The following SNAPC1 variants were observed in gnomAD, a reference collection of about 807,000 sequenced individuals.
SNAPC1 encodes snRNA-activating protein complex subunit 1.
SNAPC1 carries 42 observed loss-of-function variants against 50.1 expected under a neutral mutation model. That is an observed-to-expected ratio of 0.84 (90% confidence interval 0.65 to 1.08). The LOEUF (loss-of-function observed/expected upper bound fraction) is 1.08, where lower values mean the gene tolerates loss of function less well. Ranked by LOEUF, SNAPC1 falls within the 50% of genes least tolerant of loss-of-function variation. The pLI, the probability that SNAPC1 is intolerant of heterozygous loss-of-function variation, is 0.00. For missense variants in SNAPC1, 477 were observed against 427.3 expected (o/e 1.12, Z -1.02); for synonymous variants, 164 against 144.2 (o/e 1.14, Z -0.98).
intron 5 of SNAPC1, among the ~76,000 whole-genome samples, chr14:61,777,840 A>G (rs2045046049): frequency 6.6e-6 from 1 of 152,168 alleles, no homozygotes; most frequent in Non-Finnish European, 1.5e-5. Context: ...TCTTACTACC[A>G]CATAAAGACT....
chr14:61,762,450 C>CTTCGGAGGCGTGCGGGA lies in SNAPC1; in HGVS notation c.-6_-5insAGGCGTGCGGGATTCGG. The CTTCGGAGGCGTGCGGGA allele has an allele frequency of 6.2e-7, 1 of 1,611,800 alleles. No homozygotes were observed. The highest frequency in any genetic ancestry group is 8.5e-7 in the Non-Finnish European group (1 of 1,179,774). ...CGTGCGGGCTTCGGAGGCGTGCGGG[C>CTTCGGAGGCGTGCGGGA]TTCGGGTGCCATGGGGACTCCTCCC... On this transcript the variant is annotated 5_prime_UTR_variant, in exon 1 of 10. Coordinates refer to ENST00000216294, the MANE Select transcript of SNAPC1 (RefSeq NM_003082.4).
rs1313933589 is a variant in SNAPC1, at chr14:61,766,972, A to G, written c.225A>G (p.Arg75=). ...TACCTCCATACACCTTCCAGATCAG[A>G]GTTGGTGCTTTGTATCTGCTATATG... ...YFLPPYTFQI[R]VGALYLLYGL... The change falls in exon 2 of 10, where the codon AGA becomes AGG. Residue 75 remains arginine, a synonymous_variant. Transcript: ENST00000216294. 4 of 1,611,142 alleles carry G rather than the reference A, an allele frequency of 2.5e-6. No homozygotes were observed. Among genetic ancestry groups the G allele is most frequent in the Non-Finnish European group, 3.4e-6 (4 of 1,177,444 alleles).
At position 61,762,505 on chromosome 14, in the gene SNAPC1, C is replaced by G. The variant is rs1313591237; in HGVS notation, c.45C>G (p.Leu15=). The part of the protein sequence containing the change: ...PGLQTDCEAL[L]SRFQETDSVR... ...TGCAGACCGACTGCGAGGCGCTGCT[C>G]AGCCGCTTCCAGGAGACGGACAGTG... is the stretch of plus-strand genomic sequence containing the variant. Residue 15 remains leucine (L), a synonymous_variant, in exon 1 of 10, where the codon CTC becomes CTG. Transcript: ENST00000216294. The G allele has an allele frequency of 6.7e-7, 1 of 1,483,992 alleles. No homozygotes were observed. The highest frequency in any genetic ancestry group is 8.9e-7 in the Non-Finnish European group (1 of 1,118,028). The allele number at this position is 1,483,992 out of a possible 1,614,324, so 91.9% of individuals were successfully genotyped here. A position where few individuals can be genotyped will look rare whatever the true frequency, so the allele number is the denominator to read the frequency against.
chr14:61,780,226 C>T (rs137981695), intron 7 of SNAPC1, among the ~76,000 whole-genome samples: 10 of 152,282 alleles, frequency 6.6e-5, no homozygotes, highest in South Asian at 2.1e-4. Context: ...GAATCAGCCA[C>T]GAGGCTCACC....
chr14:61,769,393 G>GTTT (rs766718835), intron 4 of SNAPC1, among the ~76,000 whole-genome samples: 13,304 of 116,114 alleles, frequency 0.11, 1,070 homozygotes, highest in South Asian at 0.22. Context: ...ATTTCCTGAG[G>GTTT]TTTTTTTTTT....
At position 61,783,421 on chromosome 14, in the gene SNAPC1, C is replaced by T. The variant is rs192595953; in HGVS notation, c.976+1024C>T. On this transcript the variant is annotated intron_variant, in intron 8 of 9. Transcript: ENST00000216294. ...ATAATGCATTCTATAAACCATGTTT[C>T]TTTTTAGCTGTATTAAGATGTCCTT... is the stretch of plus-strand genomic sequence containing the variant. Among the ~76,000 whole-genome samples the T allele has an allele frequency of 5.4e-4, 81 of 149,706 alleles. 1 individual carries two copies. Among genetic ancestry groups the T allele is most frequent in the East Asian group, 2.5e-3 (13 of 5,102 alleles).
intron 4 of SNAPC1, among the ~76,000 whole-genome samples, chr14:61,773,743 A>G (rs1333117542): frequency 1.4e-5 from 2 of 141,062 alleles, no homozygotes; most frequent in Non-Finnish European, 3.0e-5. Context: ...TTTATTGCCC[A>G]GGCTGGAATG....
chr14:61,789,387 T>TACATACAC (rs1296855661), intron 8 of SNAPC1, among the ~76,000 whole-genome samples: 5 of 152,136 alleles, frequency 3.3e-5, no homozygotes, highest in African/African-American at 7.2e-5. Flanking sequence ...AAAATATACA[T>TACATACAC]ACATACACAC....
At chr14:61,793,728 C>T (rs532614586) in intron 9 of SNAPC1, among the ~76,000 whole-genome samples, 1 of 146,660 alleles carries the variant, frequency 6.8e-6, no homozygotes, top group African/African-American at 2.5e-5. Context: ...GTGATCTCAG[C>T]TCACTGCAAA....
intron 1 of SNAPC1, among the ~76,000 whole-genome samples, 187 bp from the exon 2 acceptor site, chr14:61,766,689 G>A (rs1014792161): frequency 6.6e-6 from 1 of 152,126 alleles, no homozygotes; most frequent in African/African-American, 2.4e-5. Flanking sequence ...TGGAAGCTGC[G>A]TCATGTTTAC....
chr14:61,777,608 T>G (rs1157661330), intron 5 of SNAPC1, among the ~76,000 whole-genome samples: 1 of 137,090 alleles, frequency 7.3e-6, no homozygotes, highest in African/African-American at 2.9e-5. Context: ...CAGTTTAGTT[T>G]TAATTTTTTT....
At chr14:61,767,382 C>CA in intron 3 of SNAPC1, 30 bp downstream of exon 3, 1 of 1,347,692 alleles carries the variant, frequency 7.4e-7, no homozygotes, top group African/African-American at 1.5e-5. Flanking sequence ...TTGGTTTTTT[C>CA]AAAATGAGCA....
intron 4 of SNAPC1, 89 bp from the exon 5 acceptor site, chr14:61,776,006 C>G: frequency 2.0e-6 from 2 of 983,306 alleles, no homozygotes; most frequent in Non-Finnish European, 3.0e-6. Context: ...CTGGAAGTCA[C>G]TTTGGAAGGT....
intron 8 of SNAPC1, among the ~76,000 whole-genome samples, chr14:61,788,262 T>C (rs1029574771): frequency 1.1e-4 from 17 of 152,212 alleles, no homozygotes; most frequent in Non-Finnish European, 2.4e-4. Context: ...AGCTAAGGTA[T>C]TGTAAATACT....
At chr14:61,775,515 A>G (rs376129646) in intron 4 of SNAPC1, among the ~76,000 whole-genome samples, 5 of 152,100 alleles carry the variant, frequency 3.3e-5, no homozygotes, top group Admixed American at 1.3e-4. Flanking sequence ...TGGCCTCCCA[A>G]AGTGCTGGGA....
At chr14:61,784,650 A>C in intron 8 of SNAPC1, among the ~76,000 whole-genome samples, 1 of 152,238 alleles carries the variant, frequency 6.6e-6, no homozygotes, top group East Asian at 1.9e-4. Context: ...AAAACTGTAT[A>C]AAAGCAGGTG....
In SNAPC1 at chr14:61,792,917, T is replaced by C. The variant is rs375746740; in HGVS notation, c.1072+15T>C. ...GAGTGGAACAGGTACAGATAAAATT[T>C]GGTCAAACTAGTCAAGTAAACTAAC... is the stretch of plus-strand genomic sequence containing the variant. On this transcript the variant is annotated intron_variant, in intron 9 of 9. Coordinates refer to ENST00000216294, the MANE Select transcript of SNAPC1 (RefSeq NM_003082.4). 8 of 1,462,136 alleles carry C rather than the reference T, an allele frequency of 5.5e-6. No individual in the cohort carries two copies. Among genetic ancestry groups the C allele is most frequent in the African/African-American group, 1.4e-5 (1 of 70,788 alleles). The allele number at this position is 1,462,136 out of a possible 1,614,324, so 90.6% of individuals were successfully genotyped here.
rs773086688 is a variant in SNAPC1, at chr14:61,762,606, A to G, written c.128+18A>G. The G allele has an allele frequency of 6.4e-7, 1 of 1,573,294 alleles. No individual in the cohort carries two copies. The highest frequency in any genetic ancestry group is 2.3e-5 in the East Asian group (1 of 44,234). On this transcript the variant is annotated intron_variant, in intron 1 of 9. Transcript: ENST00000216294. ...ATCTTCTGGTGGGTGTTTCTTGTCC[A>G]CCACCCGCCTCTCCCTGCCCGCAGG...
intron 8 of SNAPC1, among the ~76,000 whole-genome samples, chr14:61,786,903 C>G (rs756972776): frequency 9.8e-5 from 15 of 152,326 alleles, no homozygotes; most frequent in Non-Finnish European, 1.9e-4. Flanking sequence ...CCTAAAAATC[C>G]TTCCACTGCT....
Sources: gnomAD v4.1 joint callset for allele counts (sites outside exome capture counted in the v4.1 genomes callset) on GRCh38, gnomAD v4.1.1 for gene constraint, MANE v1.5 for transcripts, NCBI Gene and HGNC (gene_info 2026-07-23, HGNC 2026-07-21) for gene names.